RXRA: variants seen among roughly 807,000 people sequenced by gnomAD.
RXRA encodes retinoid X receptor alpha.
Under a neutral mutation model 44.5 loss-of-function variants are expected in RXRA, and 5 were observed. The observed-to-expected ratio is 0.11, with a 90% CI of 0.06 to 0.24. The LOEUF (loss-of-function observed/expected upper bound fraction) is 0.24, where lower values mean the gene tolerates loss of function less well. Ranked by LOEUF, RXRA falls within the 10% of genes least tolerant of loss-of-function variation. RXRA has a pLI of 1.00. For synonymous variants in RXRA, 291 were observed against 271.4 expected, an observed-to-expected ratio of 1.07 and a Z score of -0.71; for missense variants, 412 against 646.5, an observed-to-expected ratio of 0.64 and a Z score of 3.93.
chr9:134,376,998 C>T (rs1387057706), intron 1 of RXRA, among the ~76,000 whole-genome samples: 8 of 152,196 alleles, frequency 5.3e-5, no homozygotes, highest in Non-Finnish European at 8.8e-5. Context: ...CCCTGTGCCA[C>T]GCCCACTGTC....
Position 134,401,890 on chromosome 9 carries a change from C to A in RXRA, c.279+8C>A. On this transcript the variant is annotated splice_region_variant and intron_variant, in intron 2 of 9. Transcript: ENST00000481739. ...AGCACTGGCAGCCCCCAGGTGAGTG[C>A]GGGGCTGGGGCAAGGGGAGGGGGTG... 3 of 1,517,802 alleles carry A rather than the reference C, an allele frequency of 2.0e-6. No individual in the cohort carries two copies. The highest frequency in any genetic ancestry group is 2.7e-6 in the Non-Finnish European group (3 of 1,108,836). The allele number at this position is 1,517,802 out of a possible 1,614,324, so 94.0% of individuals were successfully genotyped here.
chr9:134,376,675 C>T (rs1340206948), intron 1 of RXRA, among the ~76,000 whole-genome samples: 1 of 11,926 alleles, frequency 8.4e-5, no homozygotes, highest in Non-Finnish European at 2.6e-4. Flanking sequence ...CTCGGGTGCT[C>T]AGCGCGTGGG....
chr9:134,405,236 C>T lies in RXRA; in HGVS notation c.280-2913C>T, dbSNP rs572240413. 2.6e-4 allele frequency: 39 copies of T among 152,418 alleles called. No homozygotes were observed. In the South Asian group the frequency reaches 4.8e-3, roughly 19 times the overall value. The allele number at this position is 152,418 out of a possible 1,614,324, so 9.4% of individuals were successfully genotyped here. ...CCCGCCTGGCCTCCCCATCCTGGCA[C>T]AGCCTTGCTTCTGTAGCCTGGACCG... On this transcript the variant is annotated intron_variant, in intron 2 of 9. Coordinates refer to ENST00000481739, the MANE Select transcript of RXRA (RefSeq NM_002957.6).
At chr9:134,384,943 C>T (rs1010379463) in intron 1 of RXRA, among the ~76,000 whole-genome samples, 3 of 152,212 alleles carry the variant, frequency 2.0e-5, no homozygotes, top group South Asian at 4.1e-4. Context: ...TCTGGTTCCC[C>T]TCCAGCCCTG....
intron 1 of RXRA, among the ~76,000 whole-genome samples, chr9:134,338,243 G>T (rs1227972829): frequency 6.6e-6 from 1 of 152,244 alleles, no homozygotes; most frequent in Non-Finnish European, 1.5e-5. Context: ...GCAGGTGTGT[G>T]GGGCACGGCC....
At chr9:134,353,995 C>A (rs1276324794) in intron 1 of RXRA, among the ~76,000 whole-genome samples, 1 of 152,142 alleles carries the variant, frequency 6.6e-6, no homozygotes, top group African/African-American at 2.4e-5. Flanking sequence ...ATGGAGGGGG[C>A]CACAAGCTCC....
chr9:134,355,334 A>G lies in RXRA; in HGVS notation c.28+28675A>G, dbSNP rs1303563819. Among the ~76,000 whole-genome samples the G allele has an allele frequency of 3.9e-5, 6 of 152,350 alleles. No individual in the cohort carries two copies. In the East Asian group the frequency reaches 1.2e-3, roughly 29 times the overall value. On this transcript the variant is annotated intron_variant, in intron 1 of 9. Transcript: ENST00000481739. Reference sequence around the variant, plus strand: ...AGGCACTGTTAACTGAACAGCAAACAGTAAAAAGCAGCCTGACCCTTGGAC... The same window carrying G: ...AGGCACTGTTAACTGAACAGCAAACGGTAAAAAGCAGCCTGACCCTTGGAC...
intron 1 of RXRA, among the ~76,000 whole-genome samples, chr9:134,333,484 G>A (rs1835039216): frequency 2.0e-5 from 3 of 152,248 alleles, no homozygotes; most frequent in South Asian, 4.1e-4. Flanking sequence ...CTGCTGCCGT[G>A]CGTGCGGGGT....
chr9:134,383,242 TC>T (rs1407513864), intron 1 of RXRA, among the ~76,000 whole-genome samples: 2 of 152,134 alleles, frequency 1.3e-5, no homozygotes, highest in Non-Finnish European at 2.9e-5. Context: ...GGGGTCTTTG[TC>T]TCACTGATGA....
intron 4 of RXRA, among the ~76,000 whole-genome samples, chr9:134,414,960 GC>G (rs962213178): frequency 3.9e-5 from 6 of 152,318 alleles, no homozygotes; most frequent in African/African-American, 1.4e-4. Context: ...CCATGTGGGG[GC>G]TGACCGGAGC....
At chr9:134,420,120 C>T (rs1420521786) in intron 5 of RXRA, among the ~76,000 whole-genome samples, 2 of 152,220 alleles carry the variant, frequency 1.3e-5, no homozygotes, top group East Asian at 1.9e-4. Flanking sequence ...TACAAGGATC[C>T]CCAGCAGAGC....
chr9:134,353,994 G>T (rs1830253217), intron 1 of RXRA, among the ~76,000 whole-genome samples: 1 of 152,314 alleles, frequency 6.6e-6, no homozygotes, highest in African/African-American at 2.4e-5. Context: ...GATGGAGGGG[G>T]CCACAAGCTC....
chr9:134,365,559 C>T lies in RXRA; in HGVS notation c.29-36073C>T, dbSNP rs1194533633. On this transcript the variant is annotated intron_variant, in intron 1 of 9. Transcript: ENST00000481739. This position sits in a 1 kb window ranked among gnomAD's most constrained non-coding sequence, Gnocchi z 4.0. ...GACCAGGCTGGGGCTGCACTGGGGCCTGGGTGGTAGGGGGTGATCTGCTTG... is the reference window on the plus strand; with the variant it reads ...GACCAGGCTGGGGCTGCACTGGGGCTTGGGTGGTAGGGGGTGATCTGCTTG... Among the ~76,000 whole-genome samples, 1 of 152,140 alleles carries T rather than the reference C, an allele frequency of 6.6e-6. No individual in the cohort carries two copies. Among genetic ancestry groups the T allele is most frequent in the South Asian group, 2.1e-4 (1 of 4,830 alleles).
chr9:134,397,454 C>T (rs1455108108), intron 1 of RXRA, among the ~76,000 whole-genome samples: 4 of 152,046 alleles, frequency 2.6e-5, no homozygotes, highest in Non-Finnish European at 5.9e-5. Context: ...TTGCTCCCGG[C>T]CTCCAGGTAT....
chr9:134,361,946 G>A (rs935593851), intron 1 of RXRA, among the ~76,000 whole-genome samples: 13 of 152,196 alleles, frequency 8.5e-5, no homozygotes, highest in African/African-American at 1.9e-4. Flanking sequence ...ACATAGCTCC[G>A]GCTGCGCTGG....
chr9:134,386,608 C>T (rs977080758), intron 1 of RXRA, among the ~76,000 whole-genome samples: 3 of 152,186 alleles, frequency 2.0e-5, no homozygotes, highest in African/African-American at 7.2e-5. Flanking sequence ...CGTACGTGGC[C>T]GTGCTGAGGG....
In RXRA at chr9:134,349,399, G is replaced by T. The variant is rs782309297; in HGVS notation, c.28+22740G>T. Among the ~76,000 whole-genome samples the T allele has an allele frequency of 1.6e-4, 24 of 152,202 alleles. No individual in the cohort carries two copies. The highest frequency in any genetic ancestry group is 3.4e-4 in the Non-Finnish European group (23 of 68,040). ...CAGGGAGGGAAGGCCTCTCCACGGGGAGCAGGAGGGAGGAGAGGGACAGGC... is the reference window on the plus strand; with the variant it reads ...CAGGGAGGGAAGGCCTCTCCACGGGTAGCAGGAGGGAGGAGAGGGACAGGC... On this transcript the variant is annotated intron_variant, in intron 1 of 9. Coordinates refer to ENST00000481739, the MANE Select transcript of RXRA (RefSeq NM_002957.6). The surrounding 1 kb of genome is among the most constrained non-coding windows in gnomAD (Gnocchi z 4.3).
rs375638162 is a variant in RXRA at position 134,429,255 on chromosome 9, G to A, written c.1043+15G>A. On this transcript the variant is annotated intron_variant, in intron 7 of 9. Coordinates refer to ENST00000481739, the MANE Select transcript of RXRA (RefSeq NM_002957.6). ...ATCTTTGACAGGTGGGGGTGGTCCC[G>A]GGAGGGGCGAGGGCGCTTCGGTCAC... The A allele has an allele frequency of 2.1e-5, 34 of 1,608,720 alleles. 1 individual carries two copies. The African/African-American group carries it at 2.1e-4, about 10-fold the overall frequency.
Position 134,408,199 on chromosome 9 carries a change from C to A in RXRA, c.330C>A (p.Pro110=), listed in dbSNP as rs201544640. Residue 110 remains proline (P), a synonymous_variant, in exon 3 of 10, where the codon CCC becomes CCA. Transcript: ENST00000481739. ...PVSSSEDIKP[P]LGLNGVLKVP... ...GCAGCAGCGAGGACATCAAGCCCCCCCTGGGCCTCAATGGCGTCCTCAAGG... is the reference window on the plus strand; with the variant it reads ...GCAGCAGCGAGGACATCAAGCCCCCACTGGGCCTCAATGGCGTCCTCAAGG... 3.7e-6 allele frequency: 6 copies of A among 1,607,530 alleles called. No individual in the cohort carries two copies. The highest frequency in any genetic ancestry group is 1.7e-5 in the Admixed American group (1 of 59,272).
Sources: allele counts gnomAD v4.1 joint callset (sites outside exome capture counted in the v4.1 genomes callset), GRCh38; gene constraint gnomAD v4.1.1; non-coding constraint Gnocchi (gnomAD v3.1); transcripts MANE v1.5; gene names NCBI Gene and HGNC (gene_info 2026-07-23, HGNC 2026-07-21).